The following RNLS variants were observed in gnomAD, a reference collection of about 807,000 sequenced individuals.
RNLS encodes renalase.
RNLS carries 39 observed loss-of-function variants against 39.8 expected under a neutral mutation model. That is an observed-to-expected ratio of 0.98 (90% confidence interval 0.76 to 1.28). The LOEUF (loss-of-function observed/expected upper bound fraction) is 1.28. Ranked by LOEUF, RNLS falls within the 50% of genes most tolerant of loss-of-function variation. RNLS has a pLI of 0.00. For missense variants in RNLS, 410 were observed against 413.3 expected, an observed-to-expected ratio of 0.99 and a Z score of 0.07; for synonymous variants, 147 against 150.7, an observed-to-expected ratio of 0.98 and a Z score of 0.18.
chr10:88,368,753 TATG>T (rs1850313206), intron 4 of RNLS, among the ~76,000 whole-genome samples: 1 of 152,144 alleles, frequency 6.6e-6, no homozygotes. Flanking sequence ...TTAACACTAT[TATG>T]CACATCTTTG....
intron 4 of RNLS, among the ~76,000 whole-genome samples, chr10:88,382,208 A>C (rs147035544): frequency 6.6e-6 from 1 of 152,184 alleles, no homozygotes; most frequent in Non-Finnish European, 1.5e-5. Context: ...TATCATCTCA[A>C]AACAGTAAAA....
chr10:88,182,329 T>C, the RNLS span, among the ~76,000 whole-genome samples: 1 of 152,158 alleles, frequency 6.6e-6, no homozygotes, highest in Admixed American at 6.6e-5. Flanking sequence ...CTTTCATGTT[T>C]AGAATGGCAT....
intron 4 of RNLS, among the ~76,000 whole-genome samples, chr10:88,542,937 T>C (rs1848123245): frequency 7.8e-6 from 1 of 128,886 alleles, no homozygotes; most frequent in Non-Finnish European, 1.6e-5. Context: ...AAAACCATTA[T>C]TTTCCTAACA....
At chr10:88,526,433 C>T (rs575551904) in intron 4 of RNLS, among the ~76,000 whole-genome samples, 2 of 151,770 alleles carry the variant, frequency 1.3e-5, no homozygotes, top group Admixed American at 6.6e-5. Context: ...CAAACAAAAC[C>T]TGAGAAGACA....
At chr10:88,356,468 T>A (rs935091752) in intron 5 of RNLS, among the ~76,000 whole-genome samples, 3 of 152,222 alleles carry the variant, frequency 2.0e-5, no homozygotes, top group Non-Finnish European at 4.4e-5. Context: ...GTGACAGGAT[T>A]TAAAGCCTCA....
chr10:88,508,403 G>A (rs1845912103), intron 4 of RNLS, among the ~76,000 whole-genome samples: 1 of 152,134 alleles, frequency 6.6e-6, no homozygotes, highest in African/African-American at 2.4e-5. Flanking sequence ...ATGTTGTGAT[G>A]ACCCAATGAG....
intron 4 of RNLS, among the ~76,000 whole-genome samples, chr10:88,363,296 G>T (rs1849786999): frequency 1.3e-5 from 2 of 152,004 alleles, no homozygotes; most frequent in African/African-American, 4.8e-5. Flanking sequence ...AATGGATGCT[G>T]GGCTTAATAC....
At chr10:88,199,544 TGG>T in the RNLS span, among the ~76,000 whole-genome samples, 1 of 152,190 alleles carries the variant, frequency 6.6e-6, no homozygotes, top group Non-Finnish European at 1.5e-5. Flanking sequence ...TCAGAGGTGC[TGG>T]GAAGGCCAGC....
At chr10:88,374,351 GTC>G (rs1443027789) in intron 4 of RNLS, among the ~76,000 whole-genome samples, 1 of 151,942 alleles carries the variant, frequency 6.6e-6, no homozygotes, top group Non-Finnish European at 1.5e-5. Context: ...TTTACCAGGT[GTC>G]TGTTATTAAT....
At chr10:88,502,083 C>T (rs1232141808) in intron 4 of RNLS, among the ~76,000 whole-genome samples, 1 of 152,018 alleles carries the variant, frequency 6.6e-6, no homozygotes, top group East Asian at 1.9e-4. Flanking sequence ...TGCTATAAAT[C>T]CATACAAGAT....
the RNLS span, among the ~76,000 whole-genome samples, chr10:88,201,274 A>G: frequency 4.6e-5 from 7 of 152,190 alleles, no homozygotes; most frequent in Non-Finnish European, 8.8e-5. Flanking sequence ...AAATTTTCTG[A>G]CATTCCTTCC....
chr10:88,232,803 G>A, the RNLS span, among the ~76,000 whole-genome samples: 1 of 152,172 alleles, frequency 6.6e-6, no homozygotes, highest in Non-Finnish European at 1.5e-5. Flanking sequence ...AGAGTCTCTT[G>A]CCTGCATTTC....
At chr10:88,313,799 G>T (rs1357437709) in intron 6 of RNLS, among the ~76,000 whole-genome samples, 2 of 152,174 alleles carry the variant, frequency 1.3e-5, no homozygotes, top group Non-Finnish European at 2.9e-5. Flanking sequence ...TCACTACTGA[G>T]TTTACGGATC....
intron 5 of RNLS, chr10:88,343,720 CTTTGGCCGACACCTCCCA>C: frequency 1.0e-6 from 1 of 985,384 alleles, no homozygotes; most frequent in Non-Finnish European, 1.2e-6. Context: ...AGAAGATTTT[CTTTGGCCGACACCTCCCA>C]AGCTTCATGA....
intron 4 of RNLS, among the ~76,000 whole-genome samples, chr10:88,402,955 T>G (rs2133651496): frequency 6.6e-6 from 1 of 152,196 alleles, no homozygotes; most frequent in African/African-American, 2.4e-5. Flanking sequence ...GCTTATCTCC[T>G]GATAGAATAA....
intron 5 of RNLS, among the ~76,000 whole-genome samples, chr10:88,319,345 G>A (rs538908890): frequency 2.6e-5 from 4 of 152,244 alleles, no homozygotes; most frequent in South Asian, 2.1e-4. Flanking sequence ...AGGAATCAGT[G>A]CAAGAACTCT....
intron 6 of RNLS, among the ~76,000 whole-genome samples, chr10:88,310,676 C>T (rs561083896): frequency 5.5e-4 from 83 of 151,396 alleles, no homozygotes; most frequent in African/African-American, 1.9e-3. Flanking sequence ...CCTGTAATCC[C>T]AGCTACTCAG....
chr10:88,298,294 C>T (rs1369609536), intron 6 of RNLS, among the ~76,000 whole-genome samples: 1 of 151,858 alleles, frequency 6.6e-6, no homozygotes, highest in Non-Finnish European at 1.5e-5. Flanking sequence ...TATCTTTTCA[C>T]TGTTTTGATA....
At chr10:88,480,800 T>TGC (rs1301584186) in intron 4 of RNLS, among the ~76,000 whole-genome samples, 5 of 150,436 alleles carry the variant, frequency 3.3e-5, no homozygotes, top group Non-Finnish European at 5.9e-5. Context: ...TGTGTGTGTG[T>TGC]GTGTGTGTGT....
Sources: gnomAD v4.1 joint callset for allele counts (sites outside exome capture counted in the v4.1 genomes callset) on GRCh38, gnomAD v4.1.1 for gene constraint, MANE v1.5 for transcripts, NCBI Gene and HGNC (gene_info 2026-07-23, HGNC 2026-07-21) for gene names.